Variants in TXNDC2 observed in about 807,000 individuals in gnomAD.
TXNDC2 encodes the protein thioredoxin domain containing 2.
Under a neutral mutation model 0.4 loss-of-function variants are expected in TXNDC2, and 1 was observed. The observed-to-expected ratio is 2.30, with a 90% CI of 0.82 to 10.89. The LOEUF is 10.89. Ranked by LOEUF, TXNDC2 falls within the 30% of genes most tolerant of loss-of-function variation. TXNDC2 has a pLI of 0.12. For missense variants in TXNDC2, 509 were observed against 579.8 expected (o/e 0.88, Z 1.25); for synonymous variants, 183 against 224.6 (o/e 0.81, Z 1.66).
Position 9,887,294 on chromosome 18 carries a change from C to T in TXNDC2, c.614C>T (p.Ala205Val). 1 of 1,602,366 alleles carries T rather than the reference C, an allele frequency of 6.2e-7. No homozygotes were observed. The highest frequency in any genetic ancestry group is 1.1e-5 in the South Asian group (1 of 90,172). Residue 205 changes from alanine (A) to valine (V), a missense_variant, in exon 2 of 2, where the codon GCC (alanine) becomes GTC (valine). Transcript: ENST00000357775. ...IQPKLGNIPK[A>V]SVKPSQPKEG... ...CCCAAGCTGGGCAATATTCCCAAGG[C>T]CTCAGTGAAGCCCAGCCAGCCCAAG...
chr18:9,887,656 C>G lies in TXNDC2; in HGVS notation c.976C>G (p.Leu326Val). ...CAAGGAGGGTGACATTCCCAAGTCC[C>G]TAGAGGAAGCCATCCCACCCAAGGA... ...QPKEGDIPKS[L>V]EEAIPPKEID... Residue 326 changes from leucine (L) to valine (V), a missense_variant, in exon 2 of 2, where the codon CTA becomes GTA. By Grantham distance (32) the Leu-to-Val change is conservative. This residue lies in a region of TXNDC2 where 229 missense variants were observed against 243.8 expected (regional missense o/e 0.94). Coordinates refer to ENST00000357775, the MANE Select transcript of TXNDC2 (RefSeq NM_032243.6). The G allele has an allele frequency of 1.2e-6, 2 of 1,610,100 alleles. No homozygotes were observed. Among genetic ancestry groups the G allele is most frequent in the Non-Finnish European group, 1.7e-6 (2 of 1,178,474 alleles).
In TXNDC2 at chr18:9,887,686, G is replaced by A; in HGVS notation, c.1006G>A (p.Asp336Asn). The A allele has an allele frequency of 6.2e-7, 1 of 1,612,662 alleles. No individual in the cohort carries two copies. The highest frequency in any genetic ancestry group is 1.1e-5 in the South Asian group (1 of 90,982). Residue 336 changes from aspartate (D) to asparagine (N), a missense_variant, in exon 2 of 2, where the codon GAC becomes AAC. Physicochemically the swap from Asp to Asn is conservative, Grantham distance 23. Coordinates refer to ENST00000357775, the MANE Select transcript of TXNDC2 (RefSeq NM_032243.6). ...LEEAIPPKEI[D>N]IPKSPEETIQ... The stretch of plus-strand genomic sequence containing the variant: ...GGAAGCCATCCCACCCAAGGAGATT[G>A]ACATCCCCAAGTCCCCAGAAGAAAC...
rs377230867 is a variant in TXNDC2, at chr18:9,886,283, G to T, written c.-93+203G>T. 6 of 1,612,784 alleles carry T rather than the reference G, an allele frequency of 3.7e-6. No homozygotes were observed. The Admixed American group carries it at 8.4e-5, about 22-fold the overall frequency. On this transcript the variant is annotated intron_variant, in intron 1 of 1. Transcript: ENST00000357775. ...AGAAACAAGTGAAGGTGATGCTAAT[G>T]GTAAGTAGGGGAGGAAAGAGGGTTG...
At position 9,887,969 on chromosome 18, in the gene TXNDC2, A is replaced by G. The variant is rs1449962459; in HGVS notation, c.1289A>G (p.His430Arg). The change falls in exon 2 of 2, where the codon CAT becomes CGT. Residue 430 changes from histidine (H) to arginine (R), a missense_variant. This residue lies in a region of TXNDC2 where 229 missense variants were observed against 243.8 expected (regional missense o/e 0.94). Transcript: ENST00000357775. ...TTCTTCCATGCCCTGTCTGTGAAGC[A>G]TGAGGATGTGGTGTTCCTGGAGGTG... ...RPFFHALSVK[H>R]EDVVFLEVDA... is the part of the protein sequence containing the mutation. 3.1e-6 allele frequency: 5 copies of G among 1,614,082 alleles called. No individual in the cohort carries two copies. The highest frequency in any genetic ancestry group is 1.6e-4 in the Middle Eastern group (1 of 6,084).
chr18:9,887,428 T>C lies in TXNDC2; in HGVS notation c.748T>C (p.Ser250Pro). 2 of 1,078,046 alleles carry C rather than the reference T, an allele frequency of 1.9e-6. No individual in the cohort carries two copies. The highest frequency in any genetic ancestry group is 2.6e-6 in the Non-Finnish European group (2 of 781,638). The allele number at this position is 1,078,046 out of a possible 1,614,324, so 66.8% of individuals were successfully genotyped here. Reference protein sequence around the residue: ...IQPKEGDIPKSPEEAIQPKEG... With the variant: ...IQPKEGDIPKPPEEAIQPKEG... Reference sequence around the variant, plus strand: ...GCCCAAGGAGGGTGACATCCCCAAGTCCCCAGAAGAAGCCATCCAGCCCAA... The same window carrying C: ...GCCCAAGGAGGGTGACATCCCCAAGCCCCCAGAAGAAGCCATCCAGCCCAA... Residue 250 changes from serine (S) to proline (P), a missense_variant, in exon 2 of 2, where the codon TCC becomes CCC. Ser to Pro is a moderately conservative substitution (Grantham distance 74). Coordinates refer to ENST00000357775, the MANE Select transcript of TXNDC2 (RefSeq NM_032243.6).
chr18:9,887,431 C>A lies in TXNDC2; in HGVS notation c.751C>A (p.Pro251Thr). ...QPKEGDIPKS[P>T]EEAIQPKEGD... ...CAAGGAGGGTGACATCCCCAAGTCC[C>A]CAGAAGAAGCCATCCAGCCCAAGGA... The change falls in exon 2 of 2, where the codon CCA becomes ACA. Residue 251 changes from proline to threonine, a missense_variant. Pro to Thr is a conservative substitution (Grantham distance 38). Transcript: ENST00000357775. 2 of 1,076,748 alleles carry A rather than the reference C, an allele frequency of 1.9e-6. No individual in the cohort carries two copies. The highest frequency in any genetic ancestry group is 1.3e-6 in the Non-Finnish European group (1 of 779,194). 66.7% of individuals were successfully genotyped at this position (1,076,748 alleles called of 1,614,324 possible). A position where few individuals can be genotyped will look rare whatever the true frequency, so the allele number is the denominator to read the frequency against.
In TXNDC2 at chr18:9,885,983, T is replaced by C; in HGVS notation, c.-190T>C. On this transcript the variant is annotated 5_prime_UTR_variant, in exon 1 of 2. Transcript: ENST00000357775. ...CTAGGAAATGATGCCAGTGAATGCG[T>C]AGTCCCAGCCTCAGCACAGGGGAGC... The C allele has an allele frequency of 1.9e-6, 1 of 535,438 alleles. No individual in the cohort carries two copies. 33.2% of individuals were successfully genotyped at this position (535,438 alleles called of 1,614,324 possible).
rs1434148527 is a variant in TXNDC2, at chr18:9,889,065, G to A, written c.*924G>A. On this transcript the variant is annotated 3_prime_UTR_variant, in exon 2 of 2. Coordinates refer to ENST00000357775, the MANE Select transcript of TXNDC2 (RefSeq NM_032243.6). ...AACTTAGTGAGCCCCAGATGTCTATGAGCCCAAAGTCCCAGGTCTGAACCA... is the reference window on the plus strand; with the variant it reads ...AACTTAGTGAGCCCCAGATGTCTATAAGCCCAAAGTCCCAGGTCTGAACCA... The A allele has an allele frequency of 1.3e-5, 2 of 152,210 alleles. No individual in the cohort carries two copies. The highest frequency in any genetic ancestry group is 2.9e-5 in the Non-Finnish European group (2 of 68,068). The allele number at this position is 152,210 out of a possible 1,614,324, so 9.4% of individuals were successfully genotyped here.
At chr18:9,886,429 A>G (rs1349202133) in intron 1 of TXNDC2, 160 bp from the exon 2 acceptor site, 2 of 954,554 alleles carry the variant, frequency 2.1e-6, no homozygotes, top group Non-Finnish European at 1.5e-6. Flanking sequence ...CTTCTGCTGA[A>G]TGAGTTTTTC....
intron 1 of TXNDC2, chr18:9,886,315 A>AGG: frequency 6.3e-7 from 1 of 1,587,764 alleles, no homozygotes; most frequent in Non-Finnish European, 8.6e-7. Context: ...GTTGCCTTAA[A>AGG]GACCTATGCA....
chr18:9,886,521 T>C lies in TXNDC2; in HGVS notation c.-92-68T>C, dbSNP rs1337963800. 2.3e-6 allele frequency: 3 copies of C among 1,325,050 alleles called. No individual in the cohort carries two copies. The East Asian group carries it at 7.5e-5, about 33-fold the overall frequency. The allele number at this position is 1,325,050 out of a possible 1,614,324, so 82.1% of individuals were successfully genotyped here. ...TTCCTTGGAATATGAAGAGAATTTC[T>C]TTGGTTCTTCTTTTGCATTTCTATT... On this transcript the variant is annotated intron_variant, in intron 1 of 1. Coordinates refer to ENST00000357775, the MANE Select transcript of TXNDC2 (RefSeq NM_032243.6).
In TXNDC2 at chr18:9,886,664, A is replaced by C; in HGVS notation, c.-17A>C. 3 of 1,614,156 alleles carry C rather than the reference A, an allele frequency of 1.9e-6. No homozygotes were observed. The highest frequency in any genetic ancestry group is 2.5e-6 in the Non-Finnish European group (3 of 1,180,034). ...TTCTTGGAAATAGCCCAGGCCAAAG[A>C]GAAGGCCTTTCTCCCCATGGTCAGC... is the stretch of plus-strand genomic sequence containing the variant. On this transcript the variant is annotated 5_prime_UTR_variant, in exon 2 of 2. Transcript: ENST00000357775.
Position 9,887,963 on chromosome 18 carries a change from T to A in TXNDC2, c.1283T>A (p.Val428Glu). The A allele has an allele frequency of 6.2e-7, 1 of 1,614,148 alleles. No homozygotes were observed. Among genetic ancestry groups the A allele is most frequent in the African/African-American group, 1.3e-5 (1 of 75,030 alleles). Residue 428 changes from valine to glutamate, a missense_variant, in exon 2 of 2, where the codon GTG becomes GAG. Physicochemically the swap from Val to Glu is moderately radical, Grantham distance 121 (BLOSUM62 -2). Transcript: ENST00000357775. ...AGACCATTCTTCCATGCCCTGTCTGTGAAGCATGAGGATGTGGTGTTCCTG... is the reference window on the plus strand; with the variant it reads ...AGACCATTCTTCCATGCCCTGTCTGAGAAGCATGAGGATGTGGTGTTCCTG... ...TIRPFFHALSVKHEDVVFLEV... is the reference protein window; with the variant it reads ...TIRPFFHALSEKHEDVVFLEV...
In TXNDC2 at chr18:9,887,688, C is replaced by T. The variant is rs2068968820; in HGVS notation, c.1008C>T (p.Asp336=). Residue 336 remains aspartate (D), a synonymous_variant, in exon 2 of 2, where the codon GAC becomes GAT. Transcript: ENST00000357775. ...LEEAIPPKEI[D]IPKSPEETIQ... is the part of the protein sequence containing the mutation. ...AAGCCATCCCACCCAAGGAGATTGA[C>T]ATCCCCAAGTCCCCAGAAGAAACCA... 2 of 1,612,300 alleles carry T rather than the reference C, an allele frequency of 1.2e-6. No homozygotes were observed. Among genetic ancestry groups the T allele is most frequent in the African/African-American group, 2.7e-5 (2 of 74,820 alleles).
rs1488467594 is a variant in TXNDC2, at chr18:9,888,180, A to G, written c.*39A>G. 8 of 1,488,826 alleles carry G rather than the reference A, an allele frequency of 5.4e-6. No individual in the cohort carries two copies. The Admixed American group carries it at 6.2e-5, about 12-fold the overall frequency. The allele number at this position is 1,488,826 out of a possible 1,614,324, so 92.2% of individuals were successfully genotyped here. On this transcript the variant is annotated 3_prime_UTR_variant, in exon 2 of 2. Transcript: ENST00000357775. ...AAACATTGCAGACAGTCAGGTGTTT[A>G]TAGCTTTTGAGTTCTCTTTTATTAT...
Position 9,887,880 on chromosome 18 carries a change from G to A in TXNDC2, c.1200G>A (p.Gly400=), listed in dbSNP as rs34362649. ...TTGAGGCATCACTGAAGGAGGCCGGGGAGAGGCTGGTGGCTGTGGACTTCT... is the reference window on the plus strand; with the variant it reads ...TTGAGGCATCACTGAAGGAGGCCGGAGAGAGGCTGGTGGCTGTGGACTTCT... The part of the protein sequence containing the change: ...EDFEASLKEA[G]ERLVAVDFSA... Residue 400 remains glycine (G), a synonymous_variant, in exon 2 of 2, where the codon GGG becomes GGA. Transcript: ENST00000357775. 0.042 allele frequency: 67,287 copies of A among 1,612,108 alleles called. 1,625 individuals carry two copies. Among genetic ancestry groups the A allele is most frequent in the Middle Eastern group, 0.051 (311 of 6,052 alleles).
Position 9,887,170 on chromosome 18 carries a change from C to G in TXNDC2, c.490C>G (p.Pro164Ala), listed in dbSNP as rs72947591. 39,705 of 1,592,924 alleles carry G rather than the reference C, an allele frequency of 0.025. 568 individuals are homozygous for G. The highest frequency in any genetic ancestry group is 0.044 in the Middle Eastern group (260 of 5,918). ...CAATATTGCCAAGACCTCAGTGAAG[C>G]CCAGCCAGCCCAAGGAGAGTGATAT... ...LGNIAKTSVKPSQPKESDIPK... is the reference protein window; with the variant it reads ...LGNIAKTSVKASQPKESDIPK... Residue 164 changes from proline (P) to alanine (A), a missense_variant, in exon 2 of 2, where the codon CCC becomes GCC. Around this residue, in one of 5 missense-constraint regions of TXNDC2, gnomAD observed 187 missense variants for 218.0 expected, o/e 0.86. Coordinates refer to ENST00000357775, the MANE Select transcript of TXNDC2 (RefSeq NM_032243.6).
chr18:9,887,715 C>T lies in TXNDC2; in HGVS notation c.1035C>T (p.Ile345=). The change falls in exon 2 of 2, where the codon ATC becomes ATT. Residue 345 remains isoleucine (I), a synonymous_variant. Transcript: ENST00000357775. ...IDIPKSPEET[I]QPKEDDSPKS... ...TCCCCAAGTCCCCAGAAGAAACCATCCAGCCCAAGGAGGATGACAGCCCCA... is the reference window on the plus strand; with the variant it reads ...TCCCCAAGTCCCCAGAAGAAACCATTCAGCCCAAGGAGGATGACAGCCCCA... The T allele has an allele frequency of 6.2e-7, 1 of 1,613,800 alleles. No homozygotes were observed. The highest frequency in any genetic ancestry group is 8.5e-7 in the Non-Finnish European group (1 of 1,179,900).
Position 9,886,843 on chromosome 18 carries a change from G to A in TXNDC2, c.163G>A (p.Ala55Thr), listed in dbSNP as rs1408953657. Reference protein sequence around the residue: ...IQPKEGDIPKAPEETIQSKKE... With the variant: ...IQPKEGDIPKTPEETIQSKKE... ...GCCCAAGGAGGGTGACATCCCCAAG[G>A]CCCCAGAAGAAACCATCCAATCCAA... Residue 55 changes from alanine to threonine, a missense_variant, in exon 2 of 2, where the codon GCC becomes ACC. By Grantham distance (58) the Ala-to-Thr change is moderately conservative (BLOSUM62 0). Coordinates refer to ENST00000357775, the MANE Select transcript of TXNDC2 (RefSeq NM_032243.6). The A allele has an allele frequency of 6.7e-7, 1 of 1,482,708 alleles. No homozygotes were observed. The highest frequency in any genetic ancestry group is 1.5e-5 in the African/African-American group (1 of 64,922). 91.8% of individuals were successfully genotyped at this position (1,482,708 alleles called of 1,614,324 possible). A position where few individuals can be genotyped will look rare whatever the true frequency, so the allele number is the denominator to read the frequency against.
Sources: allele counts gnomAD v4.1 joint callset, GRCh38; gene constraint gnomAD v4.1.1; regional missense constraint gnomAD v4.1.1; transcripts MANE v1.5; gene names NCBI Gene and HGNC (gene_info 2026-07-23, HGNC 2026-07-21).